Variants in SYNE2 observed in about 807,000 individuals in gnomAD.
SYNE2 encodes spectrin repeat containing nuclear envelope protein 2.
A neutral mutation model predicts 856.3 loss-of-function variants in SYNE2; 431 were observed. That is an observed-to-expected ratio of 0.50 (90% confidence interval 0.47 to 0.55). SYNE2 has a LOEUF of 0.55. Ranked by LOEUF, SYNE2 falls within the 20% of genes least tolerant of loss-of-function variation. The pLI, the probability that SYNE2 is intolerant of heterozygous loss-of-function variation, is 0.00. For missense variants in SYNE2, 8,129 were observed against 8,023.2 expected (o/e 1.01, Z -0.50); for synonymous variants, 2,923 against 2,872.3 (o/e 1.02, Z -0.56).
At chr14:64,138,884 G>A (rs1023827368) in intron 79 of SYNE2, among the ~76,000 whole-genome samples, 2 of 149,902 alleles carry the variant, frequency 1.3e-5, no homozygotes, top group African/African-American at 2.5e-5. Context: ...GCAGCAGTTT[G>A]TTGTTATACA....
intron 1 of SYNE2, among the ~76,000 whole-genome samples, chr14:63,859,991 T>C (rs1893102953): frequency 7.5e-6 from 1 of 133,076 alleles, no homozygotes; most frequent in Non-Finnish European, 1.6e-5. Flanking sequence ...CTTCCTTCCT[T>C]CGTTCCTACC....
chr14:64,026,748 A>G lies in SYNE2; in HGVS notation c.6404+18A>G, dbSNP rs778857746. 1.3e-6 allele frequency: 2 copies of G among 1,595,736 alleles called. No homozygotes were observed. The highest frequency in any genetic ancestry group is 1.3e-5 in the African/African-American group (1 of 74,742). On this transcript the variant is annotated intron_variant, in intron 42 of 115. Transcript: ENST00000555002. Reference sequence around the variant, plus strand: ...TACCTAAGGTAAAGGGCATGCCTGCACCACTTGCATCATATCCCATTGCCC... The same window carrying G: ...TACCTAAGGTAAAGGGCATGCCTGCGCCACTTGCATCATATCCCATTGCCC...
chr14:63,848,179 GTCTGGCCCTT>G (rs772743107), upstream of SYNE2: 2 of 152,190 alleles, frequency 1.3e-5, no homozygotes, highest in Non-Finnish European at 2.9e-5. Flanking sequence ...CAGCCACCTC[GTCTGGCCCTT>G]TCTGTATTTT....
chr14:64,166,288 A>G (rs754054103), intron 90 of SYNE2, among the ~76,000 whole-genome samples: 6 of 152,186 alleles, frequency 3.9e-5, no homozygotes, highest in Non-Finnish European at 8.8e-5. Flanking sequence ...ACTAGTTGCT[A>G]CAGAGACCAT....
intron 1 of SYNE2, among the ~76,000 whole-genome samples, chr14:63,806,954 A>T (rs1428028030): frequency 6.7e-6 from 1 of 150,262 alleles, no homozygotes; most frequent in Non-Finnish European, 1.5e-5. Context: ...GCCTCAAGTG[A>T]TCCTCTTGCC....
At chr14:64,144,078 TATAA>T in intron 83 of SYNE2, 130 bp downstream of exon 83, 2 of 1,067,428 alleles carry the variant, frequency 1.9e-6, no homozygotes. Flanking sequence ...ATAGCCCTTT[TATAA>T]ATCCTATGTT....
intron 48 of SYNE2, among the ~76,000 whole-genome samples, chr14:64,054,929 T>C (rs540690621): frequency 6.6e-6 from 1 of 152,380 alleles, no homozygotes; most frequent in Admixed American, 6.5e-5. Flanking sequence ...TATGAACCTA[T>C]ATTCCTTAAA....
At chr14:63,880,774 G>T (rs888107416) in intron 1 of SYNE2, among the ~76,000 whole-genome samples, 15 of 150,714 alleles carry the variant, frequency 1.0e-4, no homozygotes, top group Non-Finnish European at 1.9e-4. Context: ...CTGGTCTTAA[G>T]CAGTCCTCTA....
chr14:64,220,679 G>C, intron 111 of SYNE2, 42 bp downstream of exon 111: 1 of 1,606,148 alleles, frequency 6.2e-7, no homozygotes, highest in Non-Finnish European at 8.5e-7. Context: ...CCGGTACCCA[G>C]GCCCACGTGG....
intron 2 of SYNE2, 24 bp from the exon 3 acceptor site, chr14:63,940,590 C>T (rs768389153): frequency 5.0e-6 from 8 of 1,612,798 alleles, no homozygotes. Flanking sequence ...GGTTTTATAA[C>T]TGCTGTTGTT....
exon 1 of SYNE2, chr14:63,761,923 T>G (rs917264544): frequency 3.5e-5 from 9 of 254,278 alleles, no homozygotes; most frequent in African/African-American, 1.4e-4. Flanking sequence ...ACGACCAGAG[T>G]AGCGACCCGC....
Position 64,025,109 on chromosome 14 carries a change from A to C in SYNE2, c.5961-21A>C, listed in dbSNP as rs750151425. 21 of 1,613,930 alleles carry C rather than the reference A, an allele frequency of 1.3e-5. No individual in the cohort carries two copies. The Admixed American group carries it at 2.2e-4, about 17-fold the overall frequency. On this transcript the variant is annotated intron_variant, in intron 40 of 115. Transcript: ENST00000555002. ...GGTGTGGTTACTCCTATAAACTTTA[A>C]GTGGTATTTGGAATTTACAGGGAAC... is the stretch of plus-strand genomic sequence containing the variant.
At chr14:64,163,209 C>G (rs74467937) in intron 88 of SYNE2, among the ~76,000 whole-genome samples, 193 bp from the exon 89 acceptor site, 2 of 152,168 alleles carry the variant, frequency 1.3e-5, no homozygotes, top group African/African-American at 4.8e-5. Flanking sequence ...TGACAAATTT[C>G]GGAAAAGCGC....
chr14:64,016,263 G>C (rs2153526213), intron 32 of SYNE2, among the ~76,000 whole-genome samples: 1 of 152,072 alleles, frequency 6.6e-6, no homozygotes, highest in Admixed American at 6.5e-5. Context: ...TTTGAGTATA[G>C]GGTTAACATT....
chr14:64,203,012 T>A (rs534803453), intron 100 of SYNE2, 49 bp downstream of exon 100: 5 of 1,606,660 alleles, frequency 3.1e-6, no homozygotes, highest in African/African-American at 2.7e-5. Flanking sequence ...GTCCGCGATA[T>A]GCACTGACTG....
In SYNE2 at chr14:63,762,591, CTTTCT is replaced by C. The variant is rs1245497759; in HGVS notation, c.-305+609_-305+613del. On this transcript the variant is annotated intron_variant, in intron 1 of 23. Transcript: ENST00000674003. ...TTGTGGTTATGTAGGATAATTTTTTCTTTCTTTTTTTTTTTTTTTTAATAAATTGA... is the reference window on the plus strand; with the variant it reads ...TTGTGGTTATGTAGGATAATTTTTTCTTTTTTTTTTTTTTTAATAAATTGA... 1.3e-3 allele frequency among the ~76,000 whole-genome samples: 58 copies of C among 44,290 alleles called. 1 individual carries two copies. Among genetic ancestry groups the C allele is most frequent in the African/African-American group, 3.5e-3 (44 of 12,546 alleles). The allele number at this position is 44,290 out of a possible 152,430, so 29.1% of individuals were successfully genotyped here.
intron 8 of SYNE2, among the ~76,000 whole-genome samples, chr14:63,959,682 C>CT (rs1207731030): frequency 1.3e-5 from 2 of 152,016 alleles, no homozygotes; most frequent in East Asian, 1.9e-4. Context: ...TTACCCCTAT[C>CT]TTTTTTTACC....
At chr14:64,148,362 C>T (rs2098206623) in intron 84 of SYNE2, among the ~76,000 whole-genome samples, 3 of 152,194 alleles carry the variant, frequency 2.0e-5, no homozygotes, top group Admixed American at 1.3e-4. Flanking sequence ...AACCATTTCT[C>T]ACATTTGCTC....
chr14:63,816,580 C>G (rs1447235247), intron 1 of SYNE2, among the ~76,000 whole-genome samples: 2 of 152,098 alleles, frequency 1.3e-5, no homozygotes. Context: ...TTCTGACCTC[C>G]CCCTAAAGCT....
Sources: allele counts gnomAD v4.1 joint callset (sites outside exome capture counted in the v4.1 genomes callset), GRCh38; gene constraint gnomAD v4.1.1; transcripts MANE v1.5; gene names NCBI Gene and HGNC (gene_info 2026-07-23, HGNC 2026-07-21).